Variants in SPPL2A observed in about 807,000 individuals in gnomAD.
SPPL2A encodes the protein signal peptide peptidase-like 2A.
SPPL2A carries 51 observed loss-of-function variants against 63.8 expected under a neutral mutation model. The observed-to-expected ratio is 0.80, with a 90% CI of 0.64 to 1.01. The LOEUF is 1.01. SPPL2A is among the 50% of genes least tolerant of loss of function. SPPL2A has a pLI of 0.00. For synonymous variants in SPPL2A, 188 were observed against 205.8 expected, an observed-to-expected ratio of 0.91 and a Z score of 0.74; for missense variants, 553 against 622.7, an observed-to-expected ratio of 0.89 and a Z score of 1.19.
chr15:50,702,651 T>C lies in SPPL2A; in HGVS notation c.*5149A>G, dbSNP rs2062484507. 6.6e-6 allele frequency: 1 copy of C among 152,206 alleles called. No homozygotes were observed. The highest frequency in any genetic ancestry group is 1.5e-5 in the Non-Finnish European group (1 of 68,032). The allele number at this position is 152,206 out of a possible 1,614,324, so 9.4% of individuals were successfully genotyped here. A position where few individuals can be genotyped will look rare whatever the true frequency, so the allele number is the denominator to read the frequency against. On this transcript the variant is annotated 3_prime_UTR_variant, in exon 15 of 15. Coordinates refer to ENST00000261854, the MANE Select transcript of SPPL2A (RefSeq NM_032802.4). The stretch of plus-strand genomic sequence containing the variant: ...GGTTAACTTTAGACATTAAAAAGAT[T>C]CATATTCCAAAGGAATAGAAAAGCT...
intron 12 of SPPL2A, among the ~76,000 whole-genome samples, 168 bp from the exon 13 acceptor site, chr15:50,722,369 T>C (rs1446237401): frequency 2.0e-5 from 3 of 150,658 alleles, no homozygotes; most frequent in African/African-American, 7.2e-5. Flanking sequence ...TTAAAAATAC[T>C]TAATACCATA....
chr15:50,765,514 A>G lies in SPPL2A; in HGVS notation c.20T>C (p.Leu7Pro), dbSNP rs2063052270. The G allele has an allele frequency of 6.7e-7, 1 of 1,500,046 alleles. No homozygotes were observed. The highest frequency in any genetic ancestry group is 8.8e-7 in the Non-Finnish European group (1 of 1,132,324). The allele number at this position is 1,500,046 out of a possible 1,614,324, so 92.9% of individuals were successfully genotyped here. The change falls in exon 1 of 15, where the codon CTG becomes CCG. Residue 7 changes from leucine (L) to proline (P), a missense_variant. By Grantham distance (98) the Leu-to-Pro change is moderately conservative. Transcript: ENST00000261854. ...GAGTAGGGCGGCCCCGGCAGGGGAC[A>G]GCCGCCGCTGCGGCCCCATCGGACT... MGPQRR[L>P]SPAGAALLWG...
chr15:50,734,567 T>C (rs2062755967), intron 8 of SPPL2A, among the ~76,000 whole-genome samples: 1 of 152,102 alleles, frequency 6.6e-6, no homozygotes, highest in South Asian at 2.1e-4. Flanking sequence ...GGTTAATGGG[T>C]GCAAAAATAT....
chr15:50,753,577 A>G (rs1257585592), intron 1 of SPPL2A, among the ~76,000 whole-genome samples: 1 of 152,220 alleles, frequency 6.6e-6, no homozygotes, highest in Non-Finnish European at 1.5e-5. Flanking sequence ...TGAGATAACA[A>G]TAAACACTCA....
Position 50,748,723 on chromosome 15 carries a change from C to T in SPPL2A, c.325G>A (p.Ala109Thr). Reference protein sequence around the residue: ...EKARIAQKGGAEAMLVVNNSV... With the variant: ...EKARIAQKGGTEAMLVVNNSV... ...TTATTGACAACTAACATTGCTTCAGCACCTCCTTTCTGTGCAATTCTGGCT... is the reference window on the plus strand; with the variant it reads ...TTATTGACAACTAACATTGCTTCAGTACCTCCTTTCTGTGCAATTCTGGCT... Residue 109 changes from alanine (A) to threonine (T), a missense_variant, in exon 3 of 15, where the codon GCT becomes ACT. Ala to Thr is a moderately conservative substitution (Grantham distance 58). Coordinates refer to ENST00000261854, the MANE Select transcript of SPPL2A (RefSeq NM_032802.4). 6.2e-7 allele frequency: 1 copy of T among 1,609,242 alleles called. No homozygotes were observed. Among genetic ancestry groups the T allele is most frequent in the South Asian group, 1.1e-5 (1 of 90,336 alleles).
chr15:50,736,504 A>T, intron 7 of SPPL2A, 140 bp downstream of exon 7: 1 of 541,512 alleles, frequency 1.8e-6, no homozygotes. Flanking sequence ...AATTTTATTT[A>T]ATTTTACTTA....
At chr15:50,735,055 C>A (rs1169489533) in intron 8 of SPPL2A, among the ~76,000 whole-genome samples, 1 of 152,044 alleles carries the variant, frequency 6.6e-6, no homozygotes, top group Non-Finnish European at 1.5e-5. Context: ...CAGGCGCATG[C>A]CACCATGCCC....
chr15:50,725,427 T>C, intron 11 of SPPL2A, 104 bp from the exon 12 acceptor site: 1 of 694,030 alleles, frequency 1.4e-6, no homozygotes. Flanking sequence ...TATTTACTAA[T>C]TTATTTTTTG....
In SPPL2A at chr15:50,704,706, T is replaced by C. The variant is rs893027258; in HGVS notation, c.*3094A>G. Reference sequence around the variant, plus strand: ...AATCTTATCTATCTTTTGTTCATTTTGAGTCCCCAAATAAAATATTTCTGT... The same window carrying C: ...AATCTTATCTATCTTTTGTTCATTTCGAGTCCCCAAATAAAATATTTCTGT... On this transcript the variant is annotated 3_prime_UTR_variant, in exon 15 of 15. Transcript: ENST00000261854. The C allele has an allele frequency of 6.6e-5, 10 of 152,204 alleles. No individual in the cohort carries two copies. The highest frequency in any genetic ancestry group is 1.3e-4 in the Non-Finnish European group (9 of 68,034). 9.4% of individuals were successfully genotyped at this position (152,204 alleles called of 1,614,324 possible).
intron 1 of SPPL2A, among the ~76,000 whole-genome samples, chr15:50,761,031 G>A (rs768897101): frequency 6.6e-6 from 1 of 151,706 alleles, no homozygotes; most frequent in Non-Finnish European, 1.5e-5. Flanking sequence ...TGTTTTTAGA[G>A]ACATGGTCTT....
chr15:50,703,346 ACATATATATATTTTTTTT>A lies in SPPL2A; in HGVS notation c.*4436_*4453del, dbSNP rs1205284770. The A allele has an allele frequency of 6.8e-5, 5 of 73,384 alleles. No individual in the cohort carries two copies. Among genetic ancestry groups the A allele is most frequent in the African/African-American group, 2.5e-4 (5 of 19,948 alleles). The allele number at this position is 73,384 out of a possible 1,614,324, so 4.5% of individuals were successfully genotyped here. ...TATACATATATATATATATATATAT[ACATATATATATTTTTTTT>A]TTTTTTTTTTTTTTTTGAGATGGAG... On this transcript the variant is annotated 3_prime_UTR_variant, in exon 15 of 15. Transcript: ENST00000261854.
intron 10 of SPPL2A, among the ~76,000 whole-genome samples, chr15:50,728,870 G>A (rs1442941564): frequency 6.7e-6 from 1 of 150,052 alleles, no homozygotes; most frequent in African/African-American, 2.5e-5. Flanking sequence ...CTGGAGTGCA[G>A]TGGCGCAATC....
Position 50,749,800 on chromosome 15 carries a change from T to C in SPPL2A, c.67-54A>G, listed in dbSNP as rs182581036. 6.8e-4 allele frequency: 702 copies of C among 1,032,166 alleles called. 3 individuals are homozygous for C. The African/African-American group carries it at 0.01, about 15-fold the overall frequency. The allele number at this position is 1,032,166 out of a possible 1,614,324, so 63.9% of individuals were successfully genotyped here. A position where few individuals can be genotyped will look rare whatever the true frequency, so the allele number is the denominator to read the frequency against. On this transcript the variant is annotated intron_variant, in intron 1 of 14. Transcript: ENST00000261854. ...TGCAATGTTATGGCTTGCCAACAAC[T>C]AAGGATTTTAATAAAGCTATTTATA...
chr15:50,739,810 C>T lies in SPPL2A; in HGVS notation c.603G>A (p.Val201=). ...GLVELENLKA[V]TTEDREMRKK... ...TCCTCATTTCTCTATCTTCAGTTGT[C>T]ACTGCTTTCAAGTTTTCCCTGTACA... The change falls in exon 6 of 15, where the codon GTG becomes GTA. Residue 201 remains valine (V), a synonymous_variant. Transcript: ENST00000261854. 3 of 1,601,900 alleles carry T rather than the reference C, an allele frequency of 1.9e-6. No homozygotes were observed. The highest frequency in any genetic ancestry group is 2.5e-6 in the Non-Finnish European group (3 of 1,177,004).
At chr15:50,745,888 TA>T (rs1158384395) in intron 5 of SPPL2A, among the ~76,000 whole-genome samples, 1 of 151,324 alleles carries the variant, frequency 6.6e-6, no homozygotes, top group African/African-American at 2.4e-5. Context: ...TCATCTCTAC[TA>T]AAAGCACAAA....
intron 14 of SPPL2A, among the ~76,000 whole-genome samples, chr15:50,712,046 A>C (rs1410311900): frequency 2.0e-5 from 3 of 152,226 alleles, no homozygotes; most frequent in African/African-American, 7.2e-5. Flanking sequence ...AAGTAACTAA[A>C]GGCCAGTGGA....
chr15:50,713,623 C>G (rs528794477), intron 14 of SPPL2A, among the ~76,000 whole-genome samples: 1 of 152,062 alleles, frequency 6.6e-6, no homozygotes, highest in South Asian at 2.1e-4. Flanking sequence ...AGCAAATGTC[C>G]CTTCCCATAT....
At chr15:50,724,683 A>G (rs1362451268) in intron 12 of SPPL2A, among the ~76,000 whole-genome samples, 2 of 152,186 alleles carry the variant, frequency 1.3e-5, no homozygotes, top group Non-Finnish European at 2.9e-5. Flanking sequence ...AGTTTATTCT[A>G]CAGACAGAGC....
At chr15:50,730,014 GATAA>G (rs139254283) in intron 10 of SPPL2A, among the ~76,000 whole-genome samples, 2,378 of 121,992 alleles carry the variant, frequency 0.019, 20 homozygotes, top group East Asian at 0.034. Flanking sequence ...AAGAAGGAAT[GATAA>G]ATAAAGTAGA....
Sources: allele counts gnomAD v4.1 joint callset (sites outside exome capture counted in the v4.1 genomes callset), GRCh38; gene constraint gnomAD v4.1.1; transcripts MANE v1.5; gene names NCBI Gene and HGNC (gene_info 2026-07-23, HGNC 2026-07-21).